The following ANKMY2 variants were observed in gnomAD, a reference collection of about 807,000 sequenced individuals.
ANKMY2 encodes ankyrin repeat and MYND domain containing 2, also known as ankyrin repeat and MYND domain-containing protein 2.
In ANKMY2, 36 loss-of-function variants were observed where a neutral mutation model predicts 50.4. The observed-to-expected ratio is 0.71, with a 90% CI of 0.55 to 0.94. The LOEUF (loss-of-function observed/expected upper bound fraction) is 0.94. Among genes scored for constraint, ANKMY2 ranks in the 40% least tolerant of loss-of-function variants. The pLI is 0.00. For synonymous variants in ANKMY2, 187 were observed against 178.8 expected (o/e 1.05, Z -0.36); for missense variants, 565 against 524.0 (o/e 1.08, Z -0.76).
chr7:16,625,489 A>T (rs548516710), intron 3 of ANKMY2, among the ~76,000 whole-genome samples: 1 of 152,214 alleles, frequency 6.6e-6, no homozygotes, highest in Non-Finnish European at 1.5e-5. Context: ...GCTCTGGAAG[A>T]ACTATTAACC....
chr7:16,623,704 C>A (rs1240909504), intron 4 of ANKMY2, among the ~76,000 whole-genome samples: 1 of 152,126 alleles, frequency 6.6e-6, no homozygotes, highest in East Asian at 1.9e-4. Context: ...CCTGCAGTGA[C>A]ACCCTCAAAA....
Position 16,627,182 on chromosome 7 carries a change from T to C in ANKMY2, c.133-4A>G. On this transcript the variant is annotated splice_region_variant and splice_polypyrimidine_tract_variant and intron_variant, in intron 2 of 9. Coordinates refer to ENST00000306999, the MANE Select transcript of ANKMY2 (RefSeq NM_020319.3). The stretch of plus-strand genomic sequence containing the variant: ...GCATTAGAGGAGTCATTCCATTCTT[T>C]AATAGAAAGAGGAAAAAAGTATTAA... The C allele has an allele frequency of 6.4e-7, 1 of 1,567,258 alleles. No homozygotes were observed. The highest frequency in any genetic ancestry group is 1.2e-5 in the South Asian group (1 of 85,436).
intron 2 of ANKMY2, among the ~76,000 whole-genome samples, chr7:16,629,471 G>A (rs1781548641): frequency 6.6e-6 from 1 of 152,132 alleles, no homozygotes; most frequent in African/African-American, 2.4e-5. Context: ...GGGAGGTGGA[G>A]GTTGCAGTGA....
chr7:16,604,700 T>C (rs1486975343), intron 8 of ANKMY2, 21 bp downstream of exon 8: 2 of 1,610,178 alleles, frequency 1.2e-6, no homozygotes, highest in South Asian at 2.2e-5. Flanking sequence ...GTCAATGAAA[T>C]AAAAAGAACT....
chr7:16,636,282 G>C, intron 2 of ANKMY2, 109 bp downstream of exon 2: 1 of 638,940 alleles, frequency 1.6e-6, no homozygotes, highest in South Asian at 2.2e-5. Context: ...CAGCCTGGGC[G>C]AAAGAGCAAC....
intron 1 of ANKMY2, among the ~76,000 whole-genome samples, chr7:16,640,038 T>C (rs1781724325): frequency 2.0e-5 from 3 of 151,210 alleles, no homozygotes; most frequent in Admixed American, 2.0e-4. Context: ...TAGTGGTGCG[T>C]GCTCGTAGTC....
chr7:16,603,515 AAG>A (rs1005205027), intron 8 of ANKMY2: 1 of 392,602 alleles, frequency 2.5e-6, no homozygotes, highest in Non-Finnish European at 5.4e-6. Flanking sequence ...TAGGGGTGGA[AAG>A]GAGATGGGAA....
chr7:16,622,470 T>G (rs66699458), intron 4 of ANKMY2, among the ~76,000 whole-genome samples: 26,898 of 152,040 alleles, frequency 0.18, 2,664 homozygotes, highest in Middle Eastern at 0.26. Flanking sequence ...TCTAGGCTGG[T>G]CGTGGTGGCT....
intron 7 of ANKMY2, among the ~76,000 whole-genome samples, chr7:16,606,227 T>C (rs1476969358): frequency 6.6e-6 from 1 of 152,058 alleles, no homozygotes; most frequent in Admixed American, 6.5e-5. Context: ...GGTTAGGAGT[T>C]TGAGAGCAGC....
At chr7:16,635,748 A>G (rs1022324418) in intron 2 of ANKMY2, among the ~76,000 whole-genome samples, 1 of 152,162 alleles carries the variant, frequency 6.6e-6, no homozygotes, top group Non-Finnish European at 1.5e-5. Flanking sequence ...CAAATAATAT[A>G]CTCAGTTAAA....
chr7:16,642,535 G>A (rs756935100), intron 1 of ANKMY2, among the ~76,000 whole-genome samples: 20 of 151,944 alleles, frequency 1.3e-4, no homozygotes, highest in African/African-American at 2.7e-4. Flanking sequence ...AATATTTGCC[G>A]AGTTTATTTC....
chr7:16,618,916 C>CCA (rs984535600), intron 4 of ANKMY2, among the ~76,000 whole-genome samples: 97 of 151,950 alleles, frequency 6.4e-4, no homozygotes, highest in Admixed American at 2.2e-3. Context: ...ATAGGTGTTT[C>CCA]CACACACACA....
intron 1 of ANKMY2, among the ~76,000 whole-genome samples, chr7:16,638,895 G>A (rs1038089735): frequency 1.5e-4 from 23 of 152,296 alleles, no homozygotes; most frequent in Admixed American, 4.6e-4. Flanking sequence ...GGTTTTAGGA[G>A]CTCTGTGTTA....
At chr7:16,612,204 G>T (rs932507483) in intron 5 of ANKMY2, among the ~76,000 whole-genome samples, 1 of 152,118 alleles carries the variant, frequency 6.6e-6, no homozygotes, top group African/African-American at 2.4e-5. Context: ...GGAACAACAG[G>T]TAGATTTCCT....
chr7:16,644,633 C>A (rs555797434), intron 1 of ANKMY2: 74 of 460,918 alleles, frequency 1.6e-4, no homozygotes, highest in African/African-American at 1.5e-3. Context: ...CACGCATCAC[C>A]ATCCCTGCAC....
intron 4 of ANKMY2, among the ~76,000 whole-genome samples, chr7:16,623,696 T>A (rs1781472990): frequency 6.6e-6 from 1 of 152,110 alleles, no homozygotes; most frequent in Admixed American, 6.5e-5. Flanking sequence ...TCTTTCCCCC[T>A]GCAGTGACAC....
chr7:16,622,840 T>C (rs1781458769), intron 4 of ANKMY2, among the ~76,000 whole-genome samples: 1 of 152,118 alleles, frequency 6.6e-6, no homozygotes. Flanking sequence ...AAGAAATACT[T>C]TAGAGATATT....
intron 3 of ANKMY2, among the ~76,000 whole-genome samples, chr7:16,626,327 A>G (rs4721519): frequency 0.17 from 26,498 of 152,080 alleles, 2,605 homozygotes; most frequent in Middle Eastern, 0.26. Context: ...GACATATAAT[A>G]CAGATTTTTA....
At chr7:16,637,873 G>A (rs190072069) in intron 1 of ANKMY2, among the ~76,000 whole-genome samples, 4 of 152,348 alleles carry the variant, frequency 2.6e-5, no homozygotes, top group African/African-American at 9.6e-5. Flanking sequence ...GAATACTATA[G>A]TGATTGTAAG....
Sources: allele counts gnomAD v4.1 joint callset (sites outside exome capture counted in the v4.1 genomes callset), GRCh38; gene constraint gnomAD v4.1.1; transcripts MANE v1.5; gene names NCBI Gene and HGNC (gene_info 2026-07-23, HGNC 2026-07-21).